The following SPAG16 variants were observed in gnomAD, a reference collection of about 807,000 sequenced individuals.
The protein encoded by SPAG16 is sperm associated antigen 16.
Under a neutral mutation model 80.4 loss-of-function variants are expected in SPAG16, and 86 were observed. That is an observed-to-expected ratio of 1.07 (90% CI 0.90 to 1.28). The LOEUF is 1.28. Among genes scored for constraint, SPAG16 ranks in the 50% most tolerant of loss-of-function variants. The pLI is 0.00. For missense variants in SPAG16, 870 were observed against 765.3 expected (o/e 1.14, Z -1.61); for synonymous variants, 294 against 265.9 (o/e 1.11, Z -1.03).
In SPAG16 at chr2:214,177,971, GTATATATATATATATATATATATATATA is replaced by G. The variant is rs34460783; in HGVS notation, c.1720+28719_1720+28746del. ...TTATATCTAACTTCACAAAGTGTAT[GTATATATATATATATATATATATATATA>G]TATATATATATATTCATACTTTATT... On this transcript the variant is annotated intron_variant, in intron 15 of 15. Transcript: ENST00000331683. 3.5e-3 allele frequency among the ~76,000 whole-genome samples: 206 copies of G among 59,356 alleles called. 2 individuals are homozygous for G. The highest frequency in any genetic ancestry group is 0.017 in the Middle Eastern group (1 of 60). The allele number at this position is 59,356 out of a possible 152,430, so 38.9% of individuals were successfully genotyped here. A position where few individuals can be genotyped will look rare whatever the true frequency, so the allele number is the denominator to read the frequency against.
chr2:213,971,372 A>G (rs2045041700), intron 12 of SPAG16, among the ~76,000 whole-genome samples: 1 of 152,164 alleles, frequency 6.6e-6, no homozygotes. Context: ...TTAAATACTA[A>G]TATATGCAAA....
intron 9 of SPAG16, among the ~76,000 whole-genome samples, chr2:213,381,443 G>C (rs149628467): frequency 6.6e-6 from 1 of 152,152 alleles, no homozygotes; most frequent in Non-Finnish European, 1.5e-5. Context: ...CCATAACAAC[G>C]GTTCCATGTT....
intron 12 of SPAG16, among the ~76,000 whole-genome samples, chr2:213,976,109 GATATATATATAT>G (rs1553685173): frequency 8.2e-6 from 1 of 121,530 alleles, no homozygotes; most frequent in African/African-American, 3.3e-5. Flanking sequence ...CAGTGAGGGA[GATATATATATAT>G]ATATATATAT....
intron 15 of SPAG16, among the ~76,000 whole-genome samples, chr2:214,235,908 G>T (rs1689042229): frequency 6.6e-6 from 1 of 152,026 alleles, no homozygotes; most frequent in Non-Finnish European, 1.5e-5. Flanking sequence ...ATTAGAATTT[G>T]TGTCTATCTC....
chr2:214,397,737 A>G (rs1701479080), intron 15 of SPAG16, among the ~76,000 whole-genome samples: 1 of 152,242 alleles, frequency 6.6e-6, no homozygotes, highest in South Asian at 2.1e-4. Context: ...ATTAAAGACA[A>G]TAGAAGGTAA....
intron 9 of SPAG16, among the ~76,000 whole-genome samples, chr2:213,440,670 G>T (rs1303503761): frequency 6.6e-6 from 1 of 152,180 alleles, no homozygotes; most frequent in African/African-American, 2.4e-5. Context: ...CTACTGAGTA[G>T]TGATAAAATA....
rs7606420 is a variant in SPAG16 at position 214,013,032 on chromosome 2, A to T, written c.1401-919A>T. On this transcript the variant is annotated intron_variant, in intron 12 of 15. Transcript: ENST00000331683. ...GTGATACTGCTAGTCTGGGTAAAAA[A>T]TTTTAAAAACCACTGGGTTTAAATT... is the stretch of plus-strand genomic sequence containing the variant. 2.7e-3 allele frequency among the ~76,000 whole-genome samples: 405 copies of T among 152,256 alleles called. 2 individuals are homozygous for T. The highest frequency in any genetic ancestry group is 9.2e-3 in the African/African-American group (383 of 41,554).
intron 15 of SPAG16, among the ~76,000 whole-genome samples, chr2:214,298,927 G>C (rs1226732584): frequency 6.6e-6 from 1 of 152,140 alleles, no homozygotes; most frequent in East Asian, 1.9e-4. Context: ...TGCCTAGTCA[G>C]GGGTATAGTA....
At chr2:213,699,688 A>G (rs1315444649) in intron 10 of SPAG16, among the ~76,000 whole-genome samples, 1 of 152,182 alleles carries the variant, frequency 6.6e-6, no homozygotes, top group Non-Finnish European at 1.5e-5. Context: ...TCATACCAAA[A>G]TAGCTTCCTT....
At chr2:213,544,211 T>A (rs1037253508) in intron 10 of SPAG16, among the ~76,000 whole-genome samples, 5 of 152,076 alleles carry the variant, frequency 3.3e-5, no homozygotes, top group African/African-American at 1.2e-4. Flanking sequence ...AATATTAAAT[T>A]GGCATTTTAA....
intron 10 of SPAG16, among the ~76,000 whole-genome samples, chr2:213,611,561 T>G (rs964324156): frequency 6.6e-6 from 1 of 152,182 alleles, no homozygotes; most frequent in African/African-American, 2.4e-5. Context: ...AATAATACTT[T>G]GAATCGTGCC....
intron 9 of SPAG16, among the ~76,000 whole-genome samples, chr2:213,483,793 AC>A (rs1271087505): frequency 2.6e-5 from 4 of 152,354 alleles, no homozygotes; most frequent in African/African-American, 9.6e-5. Flanking sequence ...ATAGGCACTT[AC>A]TTAACTTTAG....
chr2:214,088,882 T>G (rs1052329986), intron 13 of SPAG16, among the ~76,000 whole-genome samples: 2 of 152,014 alleles, frequency 1.3e-5, no homozygotes, highest in African/African-American at 4.8e-5. Context: ...ATAACAATGA[T>G]ACTAAAATAT....
intron 15 of SPAG16, among the ~76,000 whole-genome samples, chr2:214,179,441 A>C (rs2057239072): frequency 6.6e-6 from 1 of 151,450 alleles, no homozygotes; most frequent in Admixed American, 6.6e-5. Context: ...AACTTAGCAA[A>C]GACCATCTGT....
intron 7 of SPAG16, among the ~76,000 whole-genome samples, chr2:213,355,539 T>C (rs924629124): frequency 1.3e-5 from 2 of 152,230 alleles, no homozygotes; most frequent in African/African-American, 2.4e-5. Flanking sequence ...TTTTATTTCA[T>C]TGAGCAGTGG....
chr2:214,037,048 C>T (rs1472366161), intron 13 of SPAG16, among the ~76,000 whole-genome samples: 4 of 151,536 alleles, frequency 2.6e-5, no homozygotes, highest in South Asian at 2.1e-4. Context: ...CTTGTGTTGT[C>T]GTTTAGTTGA....
Position 213,341,183 on chromosome 2 carries a change from C to T in SPAG16, c.644+913C>T, listed in dbSNP as rs748539483. 5.9e-5 allele frequency among the ~76,000 whole-genome samples: 9 copies of T among 152,224 alleles called. No individual in the cohort carries two copies. The East Asian group carries it at 1.5e-3, about 26-fold the overall frequency. ...TTCTTCATTTAATCATTAAGAAAAA[C>T]ATCTCCATTTAACAATCTGGATGAA... On this transcript the variant is annotated intron_variant, in intron 6 of 15. Coordinates refer to ENST00000331683, the MANE Select transcript of SPAG16 (RefSeq NM_024532.5).
chr2:214,018,904 T>C (rs1287503425), intron 13 of SPAG16, among the ~76,000 whole-genome samples: 1 of 152,166 alleles, frequency 6.6e-6, no homozygotes, highest in Non-Finnish European at 1.5e-5. Context: ...CGTGGAGGCC[T>C]AAGTCAGTTT....
At chr2:213,586,320 C>A (rs934666532) in intron 10 of SPAG16, among the ~76,000 whole-genome samples, 1 of 152,198 alleles carries the variant, frequency 6.6e-6, no homozygotes, top group Non-Finnish European at 1.5e-5. Flanking sequence ...TTGACACATT[C>A]CATGTCTAGT....
Sources: gnomAD v4.1 joint callset for allele counts (sites outside exome capture counted in the v4.1 genomes callset) on GRCh38, gnomAD v4.1.1 for gene constraint, MANE v1.5 for transcripts, NCBI Gene and HGNC (gene_info 2026-07-23, HGNC 2026-07-21) for gene names.